Variants in TRIM55 observed in about 807,000 individuals in gnomAD.
The protein encoded by TRIM55 is tripartite motif-containing protein 55.
In TRIM55, 50 loss-of-function variants were observed where a neutral mutation model predicts 60.9. That is an observed-to-expected ratio of 0.82 (90% CI 0.65 to 1.04). The LOEUF is 1.04. Ranked by LOEUF, TRIM55 falls within the 50% of genes least tolerant of loss-of-function variation. The pLI is 0.00. For synonymous variants in TRIM55, 237 were observed against 238.1 expected, an observed-to-expected ratio of 1.00 and a Z score of 0.04; for missense variants, 681 against 666.9, an observed-to-expected ratio of 1.02 and a Z score of -0.23.
chr8:66,121,077 A>G, the TRIM55 span, among the ~76,000 whole-genome samples: 8 of 152,216 alleles, frequency 5.3e-5, no homozygotes, highest in Non-Finnish European at 1.0e-4. Flanking sequence ...CCCGGCAGCT[A>G]CAGGTTGAAA....
At chr8:66,166,661 C>G (rs1811345275) in intron 9 of TRIM55, among the ~76,000 whole-genome samples, 1 of 152,152 alleles carries the variant, frequency 6.6e-6, no homozygotes, top group Admixed American at 6.5e-5. Flanking sequence ...TCACAACAGC[C>G]CACTAGAGTA....
the TRIM55 span, among the ~76,000 whole-genome samples, chr8:66,118,032 G>A: frequency 9.3e-5 from 14 of 151,138 alleles, no homozygotes; most frequent in East Asian, 3.9e-4. Context: ...ACCCGGGTGT[G>A]GTGGCGGGCC....
intron 9 of TRIM55, among the ~76,000 whole-genome samples, chr8:66,167,285 T>C (rs906240344): frequency 6.6e-6 from 1 of 152,206 alleles, no homozygotes; most frequent in African/African-American, 2.4e-5. Context: ...AAGGACAACC[T>C]GTTGGGTCTG....
the TRIM55 span, among the ~76,000 whole-genome samples, chr8:66,114,079 GA>G: frequency 7.3e-4 from 39 of 53,764 alleles, no homozygotes; most frequent in African/African-American, 1.9e-3. Context: ...TCGAAGGAGA[GA>G]CACCCCCCCC....
At position 66,152,903 on chromosome 8, in the gene TRIM55, TTGTGTGTG is replaced by T. The variant is rs59283692; in HGVS notation, c.1236+312_1236+319del. On this transcript the variant is annotated intron_variant, in intron 8 of 9. Transcript: ENST00000315962. ...ATCAAAGGCAATCTTTGTCTGGAAA[TTGTGTGTG>T]TGTGTGTGTGTGTGTGTGTGTGTGT... is the stretch of plus-strand genomic sequence containing the variant. 3.6e-3 allele frequency among the ~76,000 whole-genome samples: 508 copies of T among 140,382 alleles called. 3 individuals are homozygous for T. The highest frequency in any genetic ancestry group is 0.011 in the African/African-American group (413 of 38,132). The allele number at this position is 140,382 out of a possible 152,430, so 92.1% of individuals were successfully genotyped here.
intron 9 of TRIM55, among the ~76,000 whole-genome samples, chr8:66,163,306 T>C (rs1213210508): frequency 3.3e-5 from 5 of 152,204 alleles, no homozygotes; most frequent in Non-Finnish European, 7.4e-5. Context: ...TTCTTCATTG[T>C]GCTTACTTTG....
intron 4 of TRIM55, among the ~76,000 whole-genome samples, chr8:66,143,470 T>A (rs183492639): frequency 2.3e-4 from 35 of 152,294 alleles, no homozygotes; most frequent in East Asian, 7.7e-4. Context: ...CTTTAGCAAT[T>A]ATATAATTCA....
intron 9 of TRIM55, among the ~76,000 whole-genome samples, chr8:66,158,851 C>G (rs753342664): frequency 1.3e-5 from 2 of 152,202 alleles, no homozygotes; most frequent in Non-Finnish European, 2.9e-5. Context: ...AATGTTTACA[C>G]AGCTGCTATT....
intron 4 of TRIM55, among the ~76,000 whole-genome samples, chr8:66,142,663 G>A (rs1480382138): frequency 1.3e-5 from 2 of 152,174 alleles, no homozygotes; most frequent in African/African-American, 2.4e-5. Flanking sequence ...ATTATCCTTC[G>A]AACATGGAGC....
the TRIM55 span, among the ~76,000 whole-genome samples, chr8:66,114,080 ACAC>A: frequency 0.1 from 4,033 of 39,558 alleles, 305 homozygotes; most frequent in Middle Eastern, 0.21. Context: ...CGAAGGAGAG[ACAC>A]CCCCCCCCCC....
At chr8:66,152,762 T>C in intron 8 of TRIM55, 135 bp downstream of exon 8, 1 of 1,225,240 alleles carries the variant, frequency 8.2e-7, no homozygotes, top group Non-Finnish European at 1.1e-6. Context: ...AGACGAAAGA[T>C]TTCAGGACAG....
At chr8:66,140,607 A>G (rs1404625636) in intron 4 of TRIM55, among the ~76,000 whole-genome samples, 1 of 152,252 alleles carries the variant, frequency 6.6e-6, no homozygotes, top group Non-Finnish European at 1.5e-5. Flanking sequence ...GTGATCTCCC[A>G]GAGCCAGTTC....
chr8:66,124,998 C>A (rs900726299), upstream of TRIM55, among the ~76,000 whole-genome samples: 3 of 152,296 alleles, frequency 2.0e-5, no homozygotes, highest in Non-Finnish European at 2.9e-5. Context: ...ATTCCTCTAC[C>A]CACCGCCCAG....
chr8:66,168,912 G>C (rs73251668), intron 9 of TRIM55, among the ~76,000 whole-genome samples: 3,776 of 152,274 alleles, frequency 0.025, 157 homozygotes, highest in African/African-American at 0.08. Flanking sequence ...TGTCTTCGTT[G>C]CAATGCATCT....
intron 9 of TRIM55, among the ~76,000 whole-genome samples, chr8:66,164,554 C>T (rs1811217932): frequency 6.6e-6 from 1 of 152,204 alleles, no homozygotes; most frequent in Non-Finnish European, 1.5e-5. Flanking sequence ...CAATGGTTCC[C>T]AGCCCAAGTA....
intron 9 of TRIM55, among the ~76,000 whole-genome samples, chr8:66,163,576 T>C (rs1377248754): frequency 1.3e-5 from 2 of 152,238 alleles, no homozygotes; most frequent in Admixed American, 6.5e-5. Context: ...TATTTGAAGA[T>C]TTTCAGATAT....
intron 9 of TRIM55, among the ~76,000 whole-genome samples, chr8:66,171,529 A>C (rs983332391): frequency 3.3e-5 from 5 of 152,170 alleles, no homozygotes; most frequent in African/African-American, 1.2e-4. Context: ...TCTGTTGTTT[A>C]CCTTTTTATA....
chr8:66,154,436 G>C, intron 9 of TRIM55, 102 bp downstream of exon 9: 1 of 1,249,974 alleles, frequency 8.0e-7, no homozygotes, highest in Non-Finnish European at 1.1e-6. Context: ...GGGGCAGAGA[G>C]AAACCTCAGC....
chr8:66,144,819 T>C (rs920416297), intron 4 of TRIM55, among the ~76,000 whole-genome samples: 1 of 152,244 alleles, frequency 6.6e-6, no homozygotes, highest in African/African-American at 2.4e-5. Context: ...CAAATATGGT[T>C]GCTATCATGC....
Sources: allele counts gnomAD v4.1 joint callset (sites outside exome capture counted in the v4.1 genomes callset), GRCh38; gene constraint gnomAD v4.1.1; transcripts MANE v1.5; gene names NCBI Gene and HGNC (gene_info 2026-07-23, HGNC 2026-07-21).